The following FAM135B variants were observed in gnomAD, a reference collection of about 807,000 sequenced individuals.
FAM135B encodes the protein family with sequence similarity 135 member B, also known as protein FAM135B.
In FAM135B, 43 loss-of-function variants were observed where a neutral mutation model predicts 127.7. The ratio of observed to expected loss-of-function variants is 0.34; its 90% CI spans 0.26 to 0.43. FAM135B has a LOEUF of 0.43. Ranked by LOEUF, FAM135B falls within the 20% of genes least tolerant of loss-of-function variation. The pLI is 1.00. For synonymous variants in FAM135B, 670 were observed against 665.1 expected, an observed-to-expected ratio of 1.01 and a Z score of -0.11; for missense variants, 1,558 against 1,725.6, an observed-to-expected ratio of 0.90 and a Z score of 1.72.
intron 1 of FAM135B, among the ~76,000 whole-genome samples, chr8:138,374,726 G>T (rs1301703751): frequency 6.6e-6 from 1 of 152,172 alleles, no homozygotes; most frequent in African/African-American, 2.4e-5. Flanking sequence ...CAAGTTCTTT[G>T]TCATTAGAGG....
At chr8:138,397,234 C>A (rs1421378797) in intron 1 of FAM135B, among the ~76,000 whole-genome samples, 1 of 152,170 alleles carries the variant, frequency 6.6e-6, no homozygotes, top group Non-Finnish European at 1.5e-5. Context: ...CACAAAACCA[C>A]CCACAACAGA....
intron 6 of FAM135B, among the ~76,000 whole-genome samples, chr8:138,248,785 A>C (rs1420294976): frequency 6.7e-6 from 1 of 149,784 alleles, no homozygotes; most frequent in Non-Finnish European, 1.5e-5. Flanking sequence ...GCATCACTGC[A>C]CTCTAGCCTG....
At chr8:138,426,073 A>ACC (rs10627245) in intron 1 of FAM135B, among the ~76,000 whole-genome samples, 2 of 86,156 alleles carry the variant, frequency 2.3e-5, no homozygotes, top group African/African-American at 1.4e-4. Context: ...ACACACACAC[A>ACC]TATATAAAAT....
In FAM135B at chr8:138,217,525, G is replaced by T. The variant is rs180831678; in HGVS notation, c.670-19856C>A. Reference sequence around the variant, plus strand: ...GGCTCACTGCAAGCTCCGCCTCCCAGGTTCACACCATTCTCCTGCCTCAGC... The same window carrying T: ...GGCTCACTGCAAGCTCCGCCTCCCATGTTCACACCATTCTCCTGCCTCAGC... On this transcript the variant is annotated intron_variant, in intron 7 of 19. Coordinates refer to ENST00000395297, the MANE Select transcript of FAM135B (RefSeq NM_015912.4). Among the ~76,000 whole-genome samples the T allele has an allele frequency of 9.6e-3, 1,424 of 148,494 alleles. 29 individuals carry two copies. The highest frequency in any genetic ancestry group is 0.034 in the African/African-American group (1,364 of 40,006).
intron 1 of FAM135B, among the ~76,000 whole-genome samples, chr8:138,480,803 T>G (rs1184976682): frequency 1.3e-5 from 2 of 152,206 alleles, no homozygotes; most frequent in Non-Finnish European, 2.9e-5. Context: ...CTGAAACAGC[T>G]TTGGAATCAG....
chr8:138,432,877 G>T (rs1340421167), intron 1 of FAM135B, among the ~76,000 whole-genome samples: 1 of 151,948 alleles, frequency 6.6e-6, no homozygotes. Context: ...GGGGTGACGG[G>T]GCCCCAGAAA....
intron 4 of FAM135B, among the ~76,000 whole-genome samples, chr8:138,257,897 TAAAAC>T (rs71316331): frequency 2.7e-5 from 4 of 147,508 alleles, no homozygotes; most frequent in African/African-American, 7.6e-5. Context: ...AAAAAAAAAA[TAAAAC>T]AAAACAAAAC....
Position 138,243,079 on chromosome 8 carries a change from G to T in FAM135B, c.543-11C>A. 6.2e-7 allele frequency: 1 copy of T among 1,603,206 alleles called. No individual in the cohort carries two copies. Among genetic ancestry groups the T allele is most frequent in the Non-Finnish European group, 8.5e-7 (1 of 1,175,838 alleles). On this transcript the variant is annotated splice_polypyrimidine_tract_variant and intron_variant, in intron 6 of 19. Transcript: ENST00000395297. This position sits in a 1 kb window ranked among gnomAD's most constrained non-coding sequence, Gnocchi z 7.5. ...CCTGGACGAGTAAAACTAAACAAAA[G>T]ATAATTGAAAGGGTGAAAAAGGAGG...
chr8:138,177,153 T>C (rs1023515835), intron 11 of FAM135B, among the ~76,000 whole-genome samples, 194 bp downstream of exon 11: 1 of 152,192 alleles, frequency 6.6e-6, no homozygotes, highest in Non-Finnish European at 1.5e-5. Context: ...GCTGGTGACC[T>C]TCTCTGCCAC....
chr8:138,496,390 C>T (rs1815392566), intron 1 of FAM135B, among the ~76,000 whole-genome samples: 1 of 152,220 alleles, frequency 6.6e-6, no homozygotes, highest in African/African-American at 2.4e-5. Context: ...TGCGCCCCCT[C>T]AGCCTCCATC....
At position 138,331,091 on chromosome 8, in the gene FAM135B, C is replaced by T. The variant is rs376384556; in HGVS notation, c.78-20171G>A. On this transcript the variant is annotated intron_variant, in intron 2 of 19. Coordinates refer to ENST00000395297, the MANE Select transcript of FAM135B (RefSeq NM_015912.4). ...TCCCGACTTCAGGTGATCCACCTGC[C>T]TTGGCCTCCCAAAAATGCATTATTT... Among the ~76,000 whole-genome samples, 207 of 152,252 alleles carry T rather than the reference C, an allele frequency of 1.4e-3. 4 individuals carry two copies. The South Asian group carries it at 0.042, about 31-fold the overall frequency.
At chr8:138,260,374 C>A (rs1260538650) in intron 4 of FAM135B, among the ~76,000 whole-genome samples, 3 of 152,126 alleles carry the variant, frequency 2.0e-5, no homozygotes, top group Non-Finnish European at 4.4e-5. Context: ...TATGTTTATT[C>A]ATCCATCGCC....
Position 138,167,912 on chromosome 8 carries a change from A to G in FAM135B, c.1241T>C (p.Val414Ala). 6.2e-7 allele frequency: 1 copy of G among 1,613,394 alleles called. No individual in the cohort carries two copies. Among genetic ancestry groups the G allele is most frequent in the Non-Finnish European group, 8.5e-7 (1 of 1,179,690 alleles). Residue 414 changes from valine (V) to alanine (A), a missense_variant, in exon 12 of 20, where the codon GTG becomes GCG. Physicochemically the swap from Val to Ala is moderately conservative, Grantham distance 64. This residue lies in a region of FAM135B where 115 missense variants were observed against 171.1 expected (regional missense o/e 0.67). Transcript: ENST00000395297. ...TLPVIFEDRYVDCPATGHNLS... is the reference protein window; with the variant it reads ...TLPVIFEDRYADCPATGHNLS... ...AGACAAACCTGTCGCAGGGCAGTCC[A>G]CGTATCTGTCCTCAAAGATCACCGG...
chr8:138,262,558 G>A (rs2130600908), intron 4 of FAM135B, among the ~76,000 whole-genome samples: 1 of 152,192 alleles, frequency 6.6e-6, no homozygotes, highest in East Asian at 1.9e-4. Flanking sequence ...AGGACTCCAG[G>A]TACAGTTTAT....
intron 5 of FAM135B, among the ~76,000 whole-genome samples, chr8:138,251,368 A>G (rs7461019): frequency 1.3e-5 from 2 of 151,982 alleles, no homozygotes; most frequent in Non-Finnish European, 2.9e-5. Flanking sequence ...TTATCTCCCC[A>G]ACAGATGCCC....
chr8:138,350,497 AACACACACAC>A (rs59686476), intron 2 of FAM135B, among the ~76,000 whole-genome samples: 11 of 148,156 alleles, frequency 7.4e-5, no homozygotes, highest in South Asian at 2.2e-4. Context: ...GGTTTTCTAC[AACACACACAC>A]ACACACACAC....
chr8:138,166,492 C>T (rs761255220), intron 12 of FAM135B, among the ~76,000 whole-genome samples: 8 of 152,190 alleles, frequency 5.3e-5, no homozygotes, highest in South Asian at 2.1e-4. Context: ...AATCCATATA[C>T]GGTAAGTCCT....
intron 3 of FAM135B, among the ~76,000 whole-genome samples, chr8:138,291,941 T>C (rs1355877336): frequency 6.6e-6 from 1 of 152,040 alleles, no homozygotes; most frequent in African/African-American, 2.4e-5. Context: ...TTAAACAAGA[T>C]GAAAAGGGCC....
intron 3 of FAM135B, among the ~76,000 whole-genome samples, chr8:138,277,258 T>C (rs1446074857): frequency 6.6e-6 from 1 of 152,178 alleles, no homozygotes; most frequent in East Asian, 1.9e-4. Context: ...CTGCTGCTAA[T>C]ACATTGTGCC....
Sources: gnomAD v4.1 joint callset for allele counts (sites outside exome capture counted in the v4.1 genomes callset) on GRCh38, gnomAD v4.1.1 for gene constraint, gnomAD v4.1.1 regional missense constraint, Gnocchi (gnomAD v3.1) non-coding constraint, MANE v1.5 for transcripts, NCBI Gene and HGNC (gene_info 2026-07-23, HGNC 2026-07-21) for gene names.